MIGA1: variants seen among roughly 807,000 people sequenced by gnomAD.
The protein encoded by MIGA1 is mitoguardin 1, also known as family with sequence similarity 73, member A.
Under a neutral mutation model 82.0 loss-of-function variants are expected in MIGA1, and 58 were observed. The ratio of observed to expected loss-of-function variants is 0.71; its 90% CI spans 0.57 to 0.88. The LOEUF is 0.88. MIGA1 is among the 40% of genes least tolerant of loss of function. The pLI, the probability that MIGA1 is intolerant of heterozygous loss-of-function variation, is 0.00. For missense variants in MIGA1, 751 were observed against 749.1 expected, an observed-to-expected ratio of 1.00 and a Z score of -0.03; for synonymous variants, 249 against 253.6, an observed-to-expected ratio of 0.98 and a Z score of 0.17.
chr1:77,790,451 A>G (rs895045886), intron 2 of MIGA1, among the ~76,000 whole-genome samples: 2 of 152,104 alleles, frequency 1.3e-5, no homozygotes, highest in South Asian at 2.1e-4. Context: ...TATTTTTAGT[A>G]GAGACGGGGT....
Position 77,874,895 on chromosome 1 carries a change from G to A in MIGA1, c.1730G>A (p.Arg577His), listed in dbSNP as rs375807300. 1.1e-4 allele frequency: 181 copies of A among 1,613,888 alleles called. No homozygotes were observed. Among genetic ancestry groups the A allele is most frequent in the Middle Eastern group, 3.3e-4 (2 of 6,084 alleles). ...GACATTTTTGACTTTGAGAAGGTGC[G>A]CTATTCAAGTACAGAGACTTTAGCT... Residue 577 changes from arginine to histidine, a missense_variant, in exon 16 of 16, where the codon CGC (arginine) becomes CAC (histidine). Coordinates refer to ENST00000370791, the MANE Select transcript of MIGA1 (RefSeq NM_198549.4).
At chr1:77,832,039 C>A (rs1010430420) in intron 7 of MIGA1, among the ~76,000 whole-genome samples, 1 of 152,194 alleles carries the variant, frequency 6.6e-6, no homozygotes, top group Non-Finnish European at 1.5e-5. Context: ...TGTGTAGTTA[C>A]ACTTCCTGTG....
chr1:77,831,669 G>A (rs1366697383), intron 7 of MIGA1, among the ~76,000 whole-genome samples: 2 of 152,118 alleles, frequency 1.3e-5, no homozygotes, highest in Non-Finnish European at 2.9e-5. Context: ...ATATCATGAC[G>A]AATGTTTGTG....
intron 10 of MIGA1, 147 bp from the exon 11 acceptor site, chr1:77,859,893 A>G (rs1207226893): frequency 1.7e-6 from 1 of 578,542 alleles, no homozygotes; most frequent in African/African-American, 1.9e-5. Flanking sequence ...TATTTTAGTA[A>G]ATTAGGACTT....
intron 7 of MIGA1, among the ~76,000 whole-genome samples, chr1:77,839,765 C>T (rs535257805): frequency 2.6e-5 from 4 of 151,856 alleles, no homozygotes; most frequent in Non-Finnish European, 4.4e-5. Context: ...TGTTTTGAGA[C>T]GGACCCTTGC....
At chr1:77,793,440 TTTTG>T (rs976254183) in intron 2 of MIGA1, among the ~76,000 whole-genome samples, 7 of 151,962 alleles carry the variant, frequency 4.6e-5, no homozygotes, top group Middle Eastern at 3.4e-3. Flanking sequence ...GAGAGGTTTT[TTTTG>T]TTTGTTTGTT....
At chr1:77,793,076 C>T (rs546231557) in intron 2 of MIGA1, among the ~76,000 whole-genome samples, 1 of 152,090 alleles carries the variant, frequency 6.6e-6, no homozygotes, top group East Asian at 1.9e-4. Context: ...CAGGCATGAG[C>T]CACAGCACCC....
intron 13 of MIGA1, among the ~76,000 whole-genome samples, chr1:77,864,713 A>G (rs1278354348): frequency 6.6e-6 from 1 of 152,232 alleles, no homozygotes; most frequent in Admixed American, 6.5e-5. Context: ...GTTAAGATTT[A>G]CATATACATC....
At chr1:77,866,695 T>A (rs912023957) in intron 14 of MIGA1, among the ~76,000 whole-genome samples, 110 of 151,196 alleles carry the variant, frequency 7.3e-4, no homozygotes, top group African/African-American at 2.5e-3. Flanking sequence ...ATTTTTTTTT[T>A]TTTTTTTTGA....
At chr1:77,819,815 C>G (rs1162600095) in intron 7 of MIGA1, among the ~76,000 whole-genome samples, 1 of 152,094 alleles carries the variant, frequency 6.6e-6, no homozygotes, top group Non-Finnish European at 1.5e-5. Context: ...CTCCTTGGCT[C>G]AAATGATCCA....
At chr1:77,867,293 A>G (rs535504393) in intron 14 of MIGA1, among the ~76,000 whole-genome samples, 1 of 152,226 alleles carries the variant, frequency 6.6e-6, no homozygotes, top group South Asian at 2.1e-4. Context: ...CCTTATCTCT[A>G]AAAATAGAAT....
At chr1:77,833,040 T>C (rs1489678557) in intron 7 of MIGA1, among the ~76,000 whole-genome samples, 2 of 152,172 alleles carry the variant, frequency 1.3e-5, no homozygotes, top group African/African-American at 4.8e-5. Flanking sequence ...ATTCTTCTTT[T>C]TTGGTAAGCA....
intron 7 of MIGA1, among the ~76,000 whole-genome samples, chr1:77,834,166 A>G (rs1336919786): frequency 4.6e-5 from 7 of 151,690 alleles, no homozygotes; most frequent in African/African-American, 1.7e-4. Context: ...CCACCTCATC[A>G]TATATAACTT....
chr1:77,856,675 A>G (rs1300270096), intron 8 of MIGA1, among the ~76,000 whole-genome samples: 1 of 152,194 alleles, frequency 6.6e-6, no homozygotes, highest in Non-Finnish European at 1.5e-5. Context: ...AGGTGTTCAT[A>G]GTAACCTTGA....
chr1:77,813,606 G>A, intron 5 of MIGA1, 128 bp from the exon 6 acceptor site: 1 of 979,070 alleles, frequency 1.0e-6, no homozygotes. Flanking sequence ...ATGAAATGAT[G>A]TATGATTCTT....
At chr1:77,860,171 GT>G in intron 11 of MIGA1, 45 bp downstream of exon 11, 2 of 1,427,922 alleles carry the variant, frequency 1.4e-6, no homozygotes, top group Non-Finnish European at 1.9e-6. Flanking sequence ...TACAAAAGTT[GT>G]TTTTACCCTT....
rs528893803 is a variant in MIGA1 at position 77,858,645 on chromosome 1, G to T, written c.997-293G>T. On this transcript the variant is annotated intron_variant, in intron 8 of 15. Coordinates refer to ENST00000370791, the MANE Select transcript of MIGA1 (RefSeq NM_198549.4). ...TTGTTTTGTTTTGTTTTTGAGGCAG[G>T]TCTGGCTTTGCCAGCTAGGCTGGAG... Among the ~76,000 whole-genome samples, 8 of 152,118 alleles carry T rather than the reference G, an allele frequency of 5.3e-5. No individual in the cohort carries two copies. In the East Asian group the frequency reaches 1.4e-3, roughly 26 times the overall value.
At chr1:77,873,167 A>G in intron 15 of MIGA1, 47 bp downstream of exon 15, 1 of 1,547,552 alleles carries the variant, frequency 6.5e-7, no homozygotes, top group Non-Finnish European at 8.8e-7. Context: ...TAAATCAAAA[A>G]GGAGATACGG....
intron 13 of MIGA1, among the ~76,000 whole-genome samples, 196 bp downstream of exon 13, chr1:77,864,224 G>C (rs1031322273): frequency 9.9e-5 from 15 of 151,026 alleles, no homozygotes; most frequent in African/African-American, 3.7e-4. Flanking sequence ...AAAAAAATTA[G>C]CTGGGCATGG....
Sources: allele counts gnomAD v4.1 joint callset (sites outside exome capture counted in the v4.1 genomes callset), GRCh38; gene constraint gnomAD v4.1.1; transcripts MANE v1.5; gene names NCBI Gene and HGNC (gene_info 2026-07-23, HGNC 2026-07-21).